The following OXR1 variants were observed in gnomAD, a reference collection of about 807,000 sequenced individuals.
The protein encoded by OXR1 is oxidation resistance protein 1.
A neutral mutation model predicts 104.6 loss-of-function variants in OXR1; 41 were observed. That is an observed-to-expected ratio of 0.39 (90% CI 0.31 to 0.51). The LOEUF (loss-of-function observed/expected upper bound fraction) is 0.51. OXR1 is among the 20% of genes least tolerant of loss of function. The pLI, the probability that OXR1 is intolerant of heterozygous loss-of-function variation, is 0.77. For missense variants in OXR1, 955 were observed against 1,031.9 expected (o/e 0.93, Z 1.02); for synonymous variants, 348 against 348.4 (o/e 1.00, Z 0.01).
At chr8:106,544,757 G>T (rs945974242) in intron 3 of OXR1, among the ~76,000 whole-genome samples, 5 of 152,186 alleles carry the variant, frequency 3.3e-5, no homozygotes, top group Non-Finnish European at 7.3e-5. Context: ...CAAGACAATA[G>T]TCTCAATTAG....
chr8:106,349,233 T>G (rs1158805690), intron 1 of OXR1, among the ~76,000 whole-genome samples: 9 of 152,152 alleles, frequency 5.9e-5, no homozygotes, highest in Non-Finnish European at 1.2e-4. Context: ...ATGATCAAAA[T>G]GATCCAAATG....
At chr8:106,704,648 T>C (rs1830967129) in intron 8 of OXR1, among the ~76,000 whole-genome samples, 1 of 152,080 alleles carries the variant, frequency 6.6e-6, no homozygotes, top group Non-Finnish European at 1.5e-5. Context: ...TACACTGGCG[T>C]AGGCCTGCCA....
intron 6 of OXR1, among the ~76,000 whole-genome samples, chr8:106,691,577 C>A (rs1829278954): frequency 6.7e-6 from 1 of 149,458 alleles, no homozygotes. Flanking sequence ...AAAGGCATAT[C>A]TTCATTTAAG....
At chr8:106,416,784 T>C (rs1474060103) in intron 2 of OXR1, among the ~76,000 whole-genome samples, 2 of 152,122 alleles carry the variant, frequency 1.3e-5, no homozygotes, top group Non-Finnish European at 2.9e-5. Flanking sequence ...TCTGGTCTAA[T>C]ATTTTTTAAA....
intron 3 of OXR1, among the ~76,000 whole-genome samples, chr8:106,668,751 T>A (rs1448377945): frequency 6.6e-6 from 1 of 152,240 alleles, no homozygotes; most frequent in Non-Finnish European, 1.5e-5. Context: ...TATATTAGTT[T>A]GACAGATTTG....
At chr8:106,383,882 G>A (rs1020413875) in intron 2 of OXR1, among the ~76,000 whole-genome samples, 7 of 152,006 alleles carry the variant, frequency 4.6e-5, no homozygotes, top group African/African-American at 1.7e-4. Flanking sequence ...GAAAAACTTG[G>A]CATAATAGCA....
At chr8:106,563,315 G>GA (rs1324864964) in intron 3 of OXR1, among the ~76,000 whole-genome samples, 1 of 124,012 alleles carries the variant, frequency 8.1e-6, no homozygotes, top group Non-Finnish European at 1.7e-5. Context: ...AAAAAAAAAA[G>GA]AAAAAAAAAG....
chr8:106,293,117 A>C (rs566343091), intron 1 of OXR1, among the ~76,000 whole-genome samples: 1 of 152,322 alleles, frequency 6.6e-6, no homozygotes, highest in African/African-American at 2.4e-5. Flanking sequence ...TGGATTCAAT[A>C]TTGGATGTGA....
intron 4 of OXR1, among the ~76,000 whole-genome samples, chr8:106,680,886 A>G (rs1282444582): frequency 3.3e-5 from 5 of 152,128 alleles, no homozygotes; most frequent in Admixed American, 6.5e-5. Context: ...TTATTCATTC[A>G]GGTTGCAGTC....
Position 106,470,750 on chromosome 8 carries a change from C to A in OXR1, c.24-48193C>A, listed in dbSNP as rs148514261. ...AATAGGTCAGGGAGAAGAGGTGGAT[C>A]TAGCAAAAGAGACTGAGAAGAAGTG... On this transcript the variant is annotated intron_variant, in intron 2 of 16. Transcript: ENST00000517566. Among the ~76,000 whole-genome samples, 191 of 151,728 alleles carry A rather than the reference C, an allele frequency of 1.3e-3. 1 individual carries two copies. The highest frequency in any genetic ancestry group is 4.3e-3 in the African/African-American group (180 of 41,452).
intron 1 of OXR1, among the ~76,000 whole-genome samples, chr8:106,354,512 T>C (rs966586411): frequency 9.9e-5 from 15 of 152,122 alleles, no homozygotes; most frequent in African/African-American, 3.4e-4. Flanking sequence ...CAGTTTGAAA[T>C]TATCTATAAT....
intron 3 of OXR1, among the ~76,000 whole-genome samples, chr8:106,659,543 T>C (rs544614427): frequency 6.6e-6 from 1 of 152,322 alleles, no homozygotes; most frequent in South Asian, 2.1e-4. Context: ...GACTTTAAAG[T>C]GTTCAAATCA....
At chr8:106,290,122 G>C (rs1440117476) in intron 1 of OXR1, among the ~76,000 whole-genome samples, 1 of 152,016 alleles carries the variant, frequency 6.6e-6, no homozygotes, top group East Asian at 1.9e-4. Flanking sequence ...TAGACGAATG[G>C]AACAGGGTAA....
chr8:106,424,906 T>G (rs965463220), intron 2 of OXR1, among the ~76,000 whole-genome samples: 1 of 152,010 alleles, frequency 6.6e-6, no homozygotes. Context: ...TCCTTTTGAT[T>G]TGACATATTT....
Position 106,751,649 on chromosome 8 carries a change from G to A in OXR1, c.*708G>A, listed in dbSNP as rs550106270. On this transcript the variant is annotated 3_prime_UTR_variant, in exon 17 of 17. Transcript: ENST00000517566. ...TGATAAAGTTACAAGTCACAAAGGAGAATGAGAACTTAATGATTCTATTGG... is the reference window on the plus strand; with the variant it reads ...TGATAAAGTTACAAGTCACAAAGGAAAATGAGAACTTAATGATTCTATTGG... 6 of 152,608 alleles carry A rather than the reference G, an allele frequency of 3.9e-5. No homozygotes were observed. Among genetic ancestry groups the A allele is most frequent in the Admixed American group, 1.3e-4 (2 of 15,284 alleles). 9.5% of individuals were successfully genotyped at this position (152,608 alleles called of 1,614,324 possible).
chr8:106,538,943 A>G (rs1340924895), intron 3 of OXR1, among the ~76,000 whole-genome samples: 3 of 152,216 alleles, frequency 2.0e-5, no homozygotes, highest in Admixed American at 6.5e-5. Flanking sequence ...TCTTCATTTT[A>G]CATGTAAATT....
chr8:106,663,747 A>G (rs1305180134), intron 3 of OXR1, among the ~76,000 whole-genome samples: 1 of 152,168 alleles, frequency 6.6e-6, no homozygotes, highest in East Asian at 1.9e-4. Context: ...TGAACTGCAC[A>G]TGCAAGGTCT....
At chr8:106,750,401 T>C (rs1835796325) in intron 16 of OXR1, among the ~76,000 whole-genome samples, 1 of 150,260 alleles carries the variant, frequency 6.7e-6, no homozygotes, top group Non-Finnish European at 1.5e-5. Context: ...TCTTGGCTCA[T>C]TGCAACCTCC....
In OXR1 at chr8:106,359,646, T is replaced by C. The variant is rs781398630; in HGVS notation, c.23+10T>C. Reference sequence around the variant, plus strand: ...TGTCTAATCTATCATGGTGAGTGAATGGTTTTCTTGCCTTAAATGTAAATG... The same window carrying C: ...TGTCTAATCTATCATGGTGAGTGAACGGTTTTCTTGCCTTAAATGTAAATG... On this transcript the variant is annotated intron_variant, in intron 2 of 16. Transcript: ENST00000517566. 23 of 1,538,054 alleles carry C rather than the reference T, an allele frequency of 1.5e-5. No individual in the cohort carries two copies. The highest frequency in any genetic ancestry group is 1.9e-5 in the Non-Finnish European group (22 of 1,134,492).
Sources: gnomAD v4.1 joint callset for allele counts (sites outside exome capture counted in the v4.1 genomes callset) on GRCh38, gnomAD v4.1.1 for gene constraint, MANE v1.5 for transcripts, NCBI Gene and HGNC (gene_info 2026-07-23, HGNC 2026-07-21) for gene names.